The following XIST variants were observed in gnomAD, a reference collection of about 807,000 sequenced individuals.
The protein encoded by XIST is X inactive specific transcript, also known as X inactive specific transcript (non-protein coding).
At chrX:73,852,035 C>G (rs867438311) in exon 1 of XIST, 1 of 552,459 alleles carries the variant, frequency 1.8e-6, no homozygotes, top group East Asian at 3.3e-5. Flanking sequence ...AAGCAGGTAT[C>G]CGCGGCCCCG....
chrX:73,843,203 A>C, exon 1 of XIST: 3 of 558,828 alleles, frequency 5.4e-6, no homozygotes, highest in Non-Finnish European at 9.7e-6. Context: ...GCAGTAATGC[A>C]AAGGGGATAC....
At chrX:73,847,652 C>T (rs1211018976) in exon 1 of XIST, 1 of 518,965 alleles carries the variant, frequency 1.9e-6, no homozygotes, top group Non-Finnish European at 3.5e-6. Flanking sequence ...AGACTCAGTT[C>T]TAATCAATTA....
chrX:73,846,865 TGCAATA>T, exon 1 of XIST: 1 of 559,137 alleles, frequency 1.8e-6, no homozygotes, highest in Non-Finnish European at 3.2e-6. Context: ...TAGTACCCCA[TGCAATA>T]AAGCAAAGAG....
exon 1 of XIST, chrX:73,846,529 C>A (rs977568617): frequency 7.2e-6 from 4 of 557,397 alleles, no homozygotes; most frequent in Non-Finnish European, 1.3e-5. Context: ...GAGAGTAGGA[C>A]CTTATTCACA....
chrX:73,846,681 G>A lies in XIST; in HGVS notation n.6043C>T, dbSNP rs1410071407. 5 of 557,443 alleles carry A rather than the reference G, an allele frequency of 9.0e-6. No individual in the cohort carries two copies. In the African/African-American group the frequency reaches 1.1e-4, roughly 12 times the overall value. The allele number at this position is 557,443 out of a possible 1,213,427, so 45.9% of individuals were successfully genotyped here. ...GCTGGAAGGGAAAAGTGGGGATGAG[G>A]GGAGCACTTTCCTTCTCTAGTGCAT... On this transcript the variant is annotated non_coding_transcript_exon_variant, in exon 1 of 6. Coordinates refer to ENST00000429829, the Ensembl canonical transcript of XIST.
Position 73,821,936 on chromosome X carries a change from G to A in XIST, n.17965C>T, listed in dbSNP as rs144826807. ...ACATTTCTAAGGTATAATTAGAGAA[G>A]CTGTTGCATGAGAAATCATGTCTCC... On this transcript the variant is annotated non_coding_transcript_exon_variant, in exon 6 of 6. Coordinates refer to ENST00000429829, the Ensembl canonical transcript of XIST. 1,166 of 555,177 alleles carry A rather than the reference G, an allele frequency of 2.1e-3. 15 individuals carry two copies. The African/African-American group carries it at 0.023, about 11-fold the overall frequency. 45.8% of individuals were successfully genotyped at this position (555,177 alleles called of 1,213,427 possible). A position where few individuals can be genotyped will look rare whatever the true frequency, so the allele number is the denominator to read the frequency against.
exon 1 of XIST, chrX:73,851,955 G>T (rs1180335987): frequency 9.0e-6 from 5 of 554,775 alleles, no homozygotes; most frequent in Admixed American, 2.2e-5. Flanking sequence ...TCCAGAGAGT[G>T]CAACAACCCA....
exon 1 of XIST, chrX:73,844,220 G>A (rs779484213): frequency 1.8e-6 from 1 of 558,750 alleles, no homozygotes; most frequent in Non-Finnish European, 3.2e-6. Flanking sequence ...CAAATGGAGG[G>A]TGAGAAGGTA....
At chrX:73,825,021 A>G (rs755694268) in exon 6 of XIST, 1 of 515,409 alleles carries the variant, frequency 1.9e-6, no homozygotes, top group Non-Finnish European at 3.5e-6. Flanking sequence ...TGACATTTGT[A>G]TCATGCTTTA....
exon 6 of XIST, chrX:73,822,805 T>C: frequency 1.8e-6 from 1 of 558,275 alleles, no homozygotes; most frequent in Non-Finnish European, 3.2e-6. Flanking sequence ...AGCCCTCTCT[T>C]ATTCCCACTC....
intron 2 of XIST, among the ~76,000 whole-genome samples, chrX:73,836,593 C>A (rs1006191126): frequency 1.8e-4 from 20 of 111,528 alleles, no homozygotes; most frequent in Non-Finnish European, 2.8e-4. Flanking sequence ...TAGCTATGTG[C>A]ATATACACAC....
chrX:73,827,662 G>A (rs1191592254), exon 6 of XIST: 4 of 550,263 alleles, frequency 7.3e-6, no homozygotes, highest in East Asian at 6.6e-5. Context: ...TTCACAAAGA[G>A]AAAAGAGAGG....
At chrX:73,833,564 G>A in intron 2 of XIST, 4 of 295,641 alleles carry the variant, frequency 1.4e-5, no homozygotes, top group East Asian at 1.0e-4. Flanking sequence ...GGCAGTACAC[G>A]GGAAGATTAG....
At position 73,829,782 on chromosome X, in the gene XIST, C is replaced by T. The variant is rs537722044; in HGVS notation, n.11753-551G>A. 4.4e-4 allele frequency among the ~76,000 whole-genome samples: 40 copies of T among 90,592 alleles called. 2 individuals are homozygous for T. The South Asian group carries it at 0.021, about 48-fold the overall frequency. The allele number at this position is 90,592 out of a possible 115,157, so 78.7% of individuals were successfully genotyped here. ...TCCAGCCTGGGCAACAAGAGCAAAA[C>T]TCCATCTCAAAAAAAAAAAAAAAAA... On this transcript the variant is annotated intron_variant and non_coding_transcript_variant, in intron 4 of 5. Coordinates refer to ENST00000429829, the Ensembl canonical transcript of XIST.
chrX:73,848,617 T>A (rs780364759), exon 1 of XIST: 1 of 558,316 alleles, frequency 1.8e-6, no homozygotes, highest in South Asian at 2.2e-5. Flanking sequence ...CAATTGCAAC[T>A]GTGCAAATTA....
exon 6 of XIST, chrX:73,821,333 G>GTT (rs2147693663): frequency 3.6e-6 from 2 of 553,021 alleles, no homozygotes; most frequent in Admixed American, 4.5e-5. Flanking sequence ...TGCTTTGAAT[G>GTT]TATGAACTAC....
chrX:73,830,374 GCTAC>G (rs1385296053), intron 4 of XIST, among the ~76,000 whole-genome samples: 1 of 111,446 alleles, frequency 9.0e-6, no homozygotes, highest in Non-Finnish European at 1.9e-5. Context: ...GAAATTTATA[GCTAC>G]CCACTATTTA....
intron 1 of XIST, among the ~76,000 whole-genome samples, chrX:73,840,035 C>A (rs1437639845): frequency 9.0e-6 from 1 of 111,257 alleles, no homozygotes; most frequent in Non-Finnish European, 1.9e-5. Flanking sequence ...TCTAATGGAT[C>A]CCCAAGTTCT....
chrX:73,846,560 T>C, exon 1 of XIST: 2 of 558,900 alleles, frequency 3.6e-6, no homozygotes, highest in Non-Finnish European at 3.2e-6. Flanking sequence ...AGTGTGCGAT[T>C]ACGCACATAA....
Sources: allele counts gnomAD v4.1 joint callset (sites outside exome capture counted in the v4.1 genomes callset), GRCh38; gene constraint gnomAD v4.1.1; transcripts MANE v1.5; gene names NCBI Gene and HGNC (gene_info 2026-07-23, HGNC 2026-07-21).